MTAP: variants seen among roughly 807,000 people sequenced by gnomAD.
The protein encoded by MTAP is S-methyl-5'-thioadenosine phosphorylase.
A neutral mutation model predicts 33.6 loss-of-function variants in MTAP; 33 were observed. The observed-to-expected ratio is 0.98, with a 90% CI of 0.74 to 1.31. The LOEUF (loss-of-function observed/expected upper bound fraction) is 1.31, where lower values mean the gene tolerates loss of function less well. Ranked by LOEUF, MTAP falls within the 40% of genes most tolerant of loss-of-function variation. MTAP has a pLI of 0.00. For missense variants in MTAP, 367 were observed against 360.0 expected (o/e 1.02, Z -0.16); for synonymous variants, 148 against 125.7 (o/e 1.18, Z -1.19).
intron 1 of MTAP, among the ~76,000 whole-genome samples, chr9:21,908,697 A>T (rs1465022949): frequency 2.0e-5 from 3 of 151,834 alleles, no homozygotes. Context: ...TTTTTGTTTT[A>T]GTTTTCCTTT....
At chr9:21,822,011 C>A (rs1048970576) in intron 4 of MTAP, among the ~76,000 whole-genome samples, 1 of 151,698 alleles carries the variant, frequency 6.6e-6, no homozygotes, top group African/African-American at 2.4e-5. Context: ...CTATTTGATT[C>A]TTCTCTCTTT....
intron 1 of MTAP, among the ~76,000 whole-genome samples, chr9:21,886,362 G>T (rs1818111084): frequency 6.6e-6 from 1 of 152,078 alleles, no homozygotes. Context: ...TCTTTTGTCA[G>T]ATGCATAGTT....
intron 1 of MTAP, among the ~76,000 whole-genome samples, chr9:21,909,933 C>T (rs190688286): frequency 1.3e-5 from 2 of 152,290 alleles, no homozygotes; most frequent in East Asian, 3.9e-4. Context: ...TCCATACAGT[C>T]TGTCTTTGAT....
At chr9:21,897,923 A>C (rs1187373552) in intron 1 of MTAP, among the ~76,000 whole-genome samples, 1 of 152,224 alleles carries the variant, frequency 6.6e-6, no homozygotes, top group African/African-American at 2.4e-5. Context: ...CGCATTGCCA[A>C]GTCAATCCTA....
In MTAP at chr9:21,866,981, T is replaced by C. The variant is rs1179447008; in HGVS notation, c.*4967T>C. On this transcript the variant is annotated 3_prime_UTR_variant, in exon 8 of 8. Coordinates refer to ENST00000644715, the MANE Select transcript of MTAP (RefSeq NM_002451.4). ...GGAAATGTTACTGTAAATAGTACTT[T>C]AATTTCATTTTTAAGTTTATTGCTG... 6.6e-6 allele frequency: 1 copy of C among 152,228 alleles called. No homozygotes were observed. Among genetic ancestry groups the C allele is most frequent in the Non-Finnish European group, 1.5e-5 (1 of 68,024 alleles). The allele number at this position is 152,228 out of a possible 1,614,324, so 9.4% of individuals were successfully genotyped here. A position where few individuals can be genotyped will look rare whatever the true frequency, so the allele number is the denominator to read the frequency against.
intron 1 of MTAP, among the ~76,000 whole-genome samples, chr9:21,888,715 T>A (rs1026964979): frequency 6.6e-6 from 1 of 152,152 alleles, no homozygotes; most frequent in Non-Finnish European, 1.5e-5. Context: ...AGTCCCTGTG[T>A]GTTAGGTGAG....
intron 1 of MTAP, among the ~76,000 whole-genome samples, chr9:21,888,254 T>A (rs1005494679): frequency 6.6e-6 from 1 of 152,226 alleles, no homozygotes; most frequent in African/African-American, 2.4e-5. Context: ...TGCTCTATGT[T>A]GGAGAATGTT....
At chr9:21,903,225 C>T (rs1818420426) in intron 1 of MTAP, among the ~76,000 whole-genome samples, 1 of 152,148 alleles carries the variant, frequency 6.6e-6, no homozygotes, top group South Asian at 2.1e-4. Context: ...CTCCAGCTGC[C>T]AGTGAGTCTG....
intron 1 of MTAP, among the ~76,000 whole-genome samples, chr9:21,813,156 A>G (rs2117996144): frequency 6.6e-6 from 1 of 152,344 alleles, no homozygotes; most frequent in East Asian, 1.9e-4. Context: ...TTTGCTGTGG[A>G]GCCAGCAGGT....
At chr9:21,914,261 C>T (rs926882874) in intron 1 of MTAP, among the ~76,000 whole-genome samples, 15 of 152,116 alleles carry the variant, frequency 9.9e-5, no homozygotes, top group African/African-American at 1.9e-4. Context: ...TATCATTTGA[C>T]GCAGCCATCC....
downstream of MTAP, among the ~76,000 whole-genome samples, chr9:21,870,357 A>G (rs1241308337): frequency 6.6e-6 from 1 of 152,258 alleles, no homozygotes; most frequent in Non-Finnish European, 1.5e-5. Flanking sequence ...CCTCTGTGAC[A>G]GCAGGAAACT....
downstream of MTAP, among the ~76,000 whole-genome samples, chr9:21,938,010 T>G (rs1819068184): frequency 6.6e-6 from 1 of 152,134 alleles, no homozygotes; most frequent in African/African-American, 2.4e-5. Context: ...TGGTGGCTCA[T>G]GCCTGTAATC....
At chr9:21,825,286 G>A (rs540978528) in intron 4 of MTAP, among the ~76,000 whole-genome samples, 38 of 152,120 alleles carry the variant, frequency 2.5e-4, no homozygotes, top group Non-Finnish European at 2.8e-4. Flanking sequence ...GTTGATGGAC[G>A]TTTATGTTGC....
rs1818798675 is a variant in MTAP at position 21,922,239 on chromosome 9, C to T, written c.148-8769C>T. Among the ~76,000 whole-genome samples the T allele has an allele frequency of 6.6e-6, 1 of 151,832 alleles. No homozygotes were observed. Among genetic ancestry groups the T allele is most frequent in the Non-Finnish European group, 1.5e-5 (1 of 67,988 alleles). ...CATGCACACAACTTCAGTAAATACACTGTGCATGTGGCCGCTCACAAGTGC... is the reference window on the plus strand; with the variant it reads ...CATGCACACAACTTCAGTAAATACATTGTGCATGTGGCCGCTCACAAGTGC... On this transcript the variant is annotated intron_variant, in intron 1 of 1. Transcript: ENST00000577563. This position sits in a 1 kb window ranked among gnomAD's most constrained non-coding sequence, Gnocchi z 4.8.
At chr9:21,915,743 G>A (rs771645537) in intron 1 of MTAP, among the ~76,000 whole-genome samples, 33 of 152,110 alleles carry the variant, frequency 2.2e-4, no homozygotes, top group Non-Finnish European at 2.8e-4. Context: ...TTTAAAAAGC[G>A]GAGCAGCCCA....
intron 1 of MTAP, among the ~76,000 whole-genome samples, chr9:21,908,833 A>G (rs1210671830): frequency 6.6e-6 from 1 of 151,966 alleles, no homozygotes; most frequent in African/African-American, 2.4e-5. Context: ...ATTACATTAT[A>G]TATACATAAC....
intron 1 of MTAP, chr9:21,811,909 T>C: frequency 2.8e-6 from 1 of 357,050 alleles, no homozygotes; most frequent in Non-Finnish European, 5.5e-6. Context: ...GCTGTTTTTA[T>C]ATCTTGGGGG....
At chr9:21,928,984 G>A (rs989918008) in intron 1 of MTAP, among the ~76,000 whole-genome samples, 9 of 151,858 alleles carry the variant, frequency 5.9e-5, no homozygotes, top group African/African-American at 1.5e-4. Flanking sequence ...ACCCAACGTC[G>A]GAAGGGGAAA....
At chr9:21,909,242 G>T (rs1279679647) in intron 1 of MTAP, among the ~76,000 whole-genome samples, 1 of 151,826 alleles carries the variant, frequency 6.6e-6, no homozygotes, top group Non-Finnish European at 1.5e-5. Context: ...ATTTTTACTG[G>T]GTATAGGATT....
Sources: allele counts gnomAD v4.1 joint callset (sites outside exome capture counted in the v4.1 genomes callset), GRCh38; gene constraint gnomAD v4.1.1; non-coding constraint Gnocchi (gnomAD v3.1); transcripts MANE v1.5; gene names NCBI Gene and HGNC (gene_info 2026-07-23, HGNC 2026-07-21).